The following PAN3 variants were observed in gnomAD, a reference collection of about 807,000 sequenced individuals.
The protein encoded by PAN3 is poly(A) specific ribonuclease subunit PAN3, also known as PAN2-PAN3 deadenylation complex subunit PAN3.
Under a neutral mutation model 96.2 loss-of-function variants are expected in PAN3, and 19 were observed. The ratio of observed to expected loss-of-function variants is 0.20; its 90% CI spans 0.14 to 0.29. The LOEUF is 0.29. Among genes scored for constraint, PAN3 ranks in the 10% least tolerant of loss-of-function variants. The pLI is 1.00. For missense variants in PAN3, 882 were observed against 1,108.1 expected (o/e 0.80, Z 2.90); for synonymous variants, 433 against 406.6 (o/e 1.06, Z -0.78).
In PAN3 at chr13:28,260,437, A is replaced by G. The variant is rs755364686; in HGVS notation, c.1249-10A>G. 5.7e-6 allele frequency: 9 copies of G among 1,586,852 alleles called. No individual in the cohort carries two copies. Among genetic ancestry groups the G allele is most frequent in the African/African-American group, 5.4e-5 (4 of 74,158 alleles). The stretch of plus-strand genomic sequence containing the variant: ...GAGTGATTACATTTACCCCCTTCCT[A>G]CCTTTTTAGGTGTTTCCAAACTATC... On this transcript the variant is annotated splice_polypyrimidine_tract_variant and intron_variant, in intron 7 of 18. Coordinates refer to ENST00000380958, the MANE Select transcript of PAN3 (RefSeq NM_175854.8).
Position 28,146,296 on chromosome 13 carries a change from C to CCCTG in PAN3, c.430+7209_430+7210insCCTG, listed in dbSNP as rs1292540108. On this transcript the variant is annotated intron_variant, in intron 1 of 18. Coordinates refer to ENST00000380958, the MANE Select transcript of PAN3 (RefSeq NM_175854.8). ...TAAATATATATATTTTTTCCTCTTT[C>CCCTG]TCTGTCTCTCTCTCTCTCTCTCTCT... Among the ~76,000 whole-genome samples, 8 of 135,096 alleles carry CCCTG rather than the reference C, an allele frequency of 5.9e-5. No individual in the cohort carries two copies. In the East Asian group the frequency reaches 1.9e-3, roughly 32 times the overall value. The allele number at this position is 135,096 out of a possible 152,430, so 88.6% of individuals were successfully genotyped here. A position where few individuals can be genotyped will look rare whatever the true frequency, so the allele number is the denominator to read the frequency against.
chr13:28,225,730 C>T (rs1881927628), intron 6 of PAN3, among the ~76,000 whole-genome samples: 1 of 152,132 alleles, frequency 6.6e-6, no homozygotes, highest in Non-Finnish European at 1.5e-5. Flanking sequence ...TGTCCTAGTC[C>T]TCTCCTTTTT....
chr13:28,240,156 C>T (rs1448974291), intron 6 of PAN3: 1 of 151,952 alleles, frequency 6.6e-6, no homozygotes, highest in Non-Finnish European at 1.5e-5. Flanking sequence ...TTTTAGATAA[C>T]TTTTATTAAT....
chr13:28,253,062 C>T (rs1431117075), intron 6 of PAN3, among the ~76,000 whole-genome samples: 1 of 152,118 alleles, frequency 6.6e-6, no homozygotes, highest in Non-Finnish European at 1.5e-5. Flanking sequence ...TGATGTACCT[C>T]ATTATTAAAA....
At chr13:28,273,530 G>C (rs1455135598) in intron 14 of PAN3, among the ~76,000 whole-genome samples, 1 of 152,124 alleles carries the variant, frequency 6.6e-6, no homozygotes, top group East Asian at 1.9e-4. Context: ...GAACCTGGGA[G>C]GCGGAGGTTG....
At chr13:28,190,030 G>GC (rs1339708425) in intron 4 of PAN3, among the ~76,000 whole-genome samples, 2 of 152,078 alleles carry the variant, frequency 1.3e-5, no homozygotes, top group Admixed American at 6.5e-5. Flanking sequence ...TGCAAACTCT[G>GC]CCCCCCGGGT....
chr13:28,267,810 A>G (rs1886309609), intron 12 of PAN3, among the ~76,000 whole-genome samples: 1 of 152,194 alleles, frequency 6.6e-6, no homozygotes, highest in African/African-American at 2.4e-5. Flanking sequence ...ATCTCCCACC[A>G]GCTCCCTCCC....
rs948615623 is a variant in PAN3 at position 28,170,062 on chromosome 13, CAATAAT to C, written c.431-4197_431-4192del. 2.9e-3 allele frequency among the ~76,000 whole-genome samples: 442 copies of C among 151,724 alleles called. 2 individuals are homozygous for C. Among genetic ancestry groups the C allele is most frequent in the African/African-American group, 0.01 (424 of 41,400 alleles). ...ACTCCATCTCAAAATAATAATAATA[CAATAAT>C]AATAATAATAATTTTAACCATTGAT... On this transcript the variant is annotated intron_variant, in intron 1 of 18. Coordinates refer to ENST00000380958, the MANE Select transcript of PAN3 (RefSeq NM_175854.8).
At chr13:28,182,854 A>G (rs943429449) in intron 4 of PAN3, among the ~76,000 whole-genome samples, 1 of 152,188 alleles carries the variant, frequency 6.6e-6, no homozygotes, top group African/African-American at 2.4e-5. Context: ...TCTCTGTTAC[A>G]AAACTTACTG....
intron 6 of PAN3, among the ~76,000 whole-genome samples, chr13:28,250,609 C>T (rs1054752207): frequency 1.4e-4 from 22 of 152,122 alleles, no homozygotes; most frequent in African/African-American, 5.3e-4. Flanking sequence ...TCAGGTGACC[C>T]ACCCGCCTCG....
chr13:28,284,920 G>T (rs564177524), intron 17 of PAN3, among the ~76,000 whole-genome samples: 1 of 151,988 alleles, frequency 6.6e-6, no homozygotes, highest in East Asian at 1.9e-4. Context: ...CATATTTATC[G>T]TGTTTAAACT....
chr13:28,170,158 C>T (rs1874120418), intron 1 of PAN3, among the ~76,000 whole-genome samples: 1 of 152,150 alleles, frequency 6.6e-6, no homozygotes, highest in African/African-American at 2.4e-5. Flanking sequence ...TCAGGTGTTT[C>T]CTCTGCTAGG....
intron 1 of PAN3, among the ~76,000 whole-genome samples, chr13:28,160,328 T>C (rs9582005): frequency 0.18 from 26,783 of 152,154 alleles, 4,618 homozygotes; most frequent in African/African-American, 0.45. Flanking sequence ...ACAGTCTTTA[T>C]GATAGTTAAA....
intron 6 of PAN3, among the ~76,000 whole-genome samples, chr13:28,231,940 G>T (rs1351688006): frequency 1.3e-5 from 2 of 151,954 alleles, no homozygotes; most frequent in African/African-American, 4.8e-5. Flanking sequence ...TCTTTTTAGA[G>T]TACTTTGAAA....
At chr13:28,209,291 T>A (rs1879751792) in intron 5 of PAN3, among the ~76,000 whole-genome samples, 1 of 152,242 alleles carries the variant, frequency 6.6e-6, no homozygotes, top group Admixed American at 6.5e-5. Flanking sequence ...CTAGCCAGGT[T>A]ACCACCCACA....
intron 6 of PAN3, among the ~76,000 whole-genome samples, chr13:28,228,794 A>G (rs1472437331): frequency 6.6e-6 from 1 of 152,218 alleles, no homozygotes; most frequent in Non-Finnish European, 1.5e-5. Flanking sequence ...CTGCTCTCTC[A>G]GCCATAGTTA....
intron 13 of PAN3, 86 bp downstream of exon 13, chr13:28,270,952 G>T: frequency 3.9e-6 from 5 of 1,289,270 alleles, no homozygotes; most frequent in Admixed American, 2.2e-5. Flanking sequence ...TTTTAATTCT[G>T]CCTTTTCATA....
At chr13:28,285,506 G>T (rs557335363) in intron 17 of PAN3, among the ~76,000 whole-genome samples, 1 of 152,172 alleles carries the variant, frequency 6.6e-6, no homozygotes, top group Admixed American at 6.5e-5. Context: ...CTTGGTGTAG[G>T]TTTTGAGTCA....
intron 4 of PAN3, among the ~76,000 whole-genome samples, chr13:28,193,775 A>T (rs1877603940): frequency 6.6e-6 from 1 of 150,822 alleles, no homozygotes; most frequent in Non-Finnish European, 1.5e-5. Context: ...ACAAAAACTA[A>T]CCAAAGAGCA....
Sources: gnomAD v4.1 joint callset for allele counts (sites outside exome capture counted in the v4.1 genomes callset) on GRCh38, gnomAD v4.1.1 for gene constraint, MANE v1.5 for transcripts, NCBI Gene and HGNC (gene_info 2026-07-23, HGNC 2026-07-21) for gene names.